The following ACADL variants were observed in gnomAD, a reference collection of about 807,000 sequenced individuals.
ACADL encodes the protein long-chain specific acyl-CoA dehydrogenase, mitochondrial.
ACADL carries 60 observed loss-of-function variants against 56.9 expected under a neutral mutation model. That is an observed-to-expected ratio of 1.05 (90% CI 0.86 to 1.31). The LOEUF (loss-of-function observed/expected upper bound fraction) is 1.31. ACADL is among the 50% of genes most tolerant of loss of function. The pLI is 0.00. For synonymous variants in ACADL, 158 were observed against 179.7 expected, an observed-to-expected ratio of 0.88 and a Z score of 0.97; for missense variants, 484 against 525.5, an observed-to-expected ratio of 0.92 and a Z score of 0.77.
At chr2:210,215,073 A>AT (rs1689063160) in intron 4 of ACADL, among the ~76,000 whole-genome samples, 1 of 152,160 alleles carries the variant, frequency 6.6e-6, no homozygotes. Context: ...CAATTCCTGG[A>AT]TTTTCACTTA....
chr2:210,216,580 T>G, intron 3 of ACADL, 69 bp from the exon 4 acceptor site: 2 of 1,402,730 alleles, frequency 1.4e-6, no homozygotes, highest in Non-Finnish European at 2.0e-6. Context: ...ATAACAACAA[T>G]GTATTAAGGT....
chr2:210,200,689 A>G (rs1688778122), intron 8 of ACADL, among the ~76,000 whole-genome samples: 1 of 152,168 alleles, frequency 6.6e-6, no homozygotes, highest in Non-Finnish European at 1.5e-5. Context: ...CAATAAGAAA[A>G]GTTAGGATGT....
At position 210,188,210 on chromosome 2, in the gene ACADL, G is replaced by GA. The variant is rs1688577001; in HGVS notation, c.*750dup. The GA allele has an allele frequency of 1.3e-5, 2 of 152,134 alleles. No individual in the cohort carries two copies. The highest frequency in any genetic ancestry group is 1.3e-4 in the Admixed American group (2 of 15,278). 9.4% of individuals were successfully genotyped at this position (152,134 alleles called of 1,614,324 possible). ...AATAAATACATTAACTGTTGCAAAA[G>GA]AAAAGCCATTGCTTTGATACCTATA... On this transcript the variant is annotated 3_prime_UTR_variant, in exon 11 of 11. Coordinates refer to ENST00000233710, the MANE Select transcript of ACADL (RefSeq NM_001608.4).
chr2:210,221,876 C>T (rs1689181406), intron 1 of ACADL, among the ~76,000 whole-genome samples: 1 of 152,000 alleles, frequency 6.6e-6, no homozygotes, highest in Non-Finnish European at 1.5e-5. Context: ...TTGCAGGCGC[C>T]TGCCACACAT....
chr2:210,210,031 C>G (rs886901763), intron 5 of ACADL, 165 bp downstream of exon 5: 2 of 613,510 alleles, frequency 3.3e-6, no homozygotes, highest in East Asian at 2.8e-5. Context: ...TACCACAGAT[C>G]TTAAGTAATA....
chr2:210,217,916 G>C, intron 3 of ACADL, 49 bp downstream of exon 3: 1 of 1,601,886 alleles, frequency 6.2e-7, no homozygotes, highest in Non-Finnish European at 8.6e-7. Flanking sequence ...AGAAAGGTGA[G>C]TGGTGTGTTT....
At chr2:210,214,978 A>G (rs1689061208) in intron 4 of ACADL, among the ~76,000 whole-genome samples, 1 of 152,232 alleles carries the variant, frequency 6.6e-6, no homozygotes, top group Non-Finnish European at 1.5e-5. Context: ...GTCATGCTAT[A>G]GAATATTAAG....
chr2:210,198,779 A>G (rs1372565491), intron 8 of ACADL, among the ~76,000 whole-genome samples: 2 of 152,170 alleles, frequency 1.3e-5, no homozygotes, highest in African/African-American at 4.8e-5. Flanking sequence ...CCATTCACTT[A>G]GCAGTGTCTG....
chr2:210,200,749 A>G (rs1244306895), intron 8 of ACADL, among the ~76,000 whole-genome samples: 6 of 152,180 alleles, frequency 3.9e-5, no homozygotes, highest in Non-Finnish European at 8.8e-5. Flanking sequence ...CAATACCGGT[A>G]GCAAACAGTT....
chr2:210,201,278 C>T (rs1376463142), intron 8 of ACADL, among the ~76,000 whole-genome samples: 1 of 152,132 alleles, frequency 6.6e-6, no homozygotes, highest in East Asian at 1.9e-4. Context: ...CCCTGCCCTA[C>T]TCAATCTACA....
At position 210,225,414 on chromosome 2, in the gene ACADL, C is replaced by G; in HGVS notation, c.-151G>C. ...CGCTCGCGCGCGCCCTTCCGGAGCCCCAACCACGCCACAGGCTGGTCGCGA... is the reference window on the plus strand; with the variant it reads ...CGCTCGCGCGCGCCCTTCCGGAGCCGCAACCACGCCACAGGCTGGTCGCGA... On this transcript the variant is annotated 5_prime_UTR_variant, in exon 1 of 11. Coordinates refer to ENST00000233710, the MANE Select transcript of ACADL (RefSeq NM_001608.4). The G allele has an allele frequency of 1.3e-6, 1 of 782,298 alleles. No homozygotes were observed. The highest frequency in any genetic ancestry group is 1.8e-5 in the South Asian group (1 of 54,138). 48.5% of individuals were successfully genotyped at this position (782,298 alleles called of 1,614,324 possible). A position where few individuals can be genotyped will look rare whatever the true frequency, so the allele number is the denominator to read the frequency against.
At position 210,213,689 on chromosome 2, in the gene ACADL, C is replaced by G. The variant is rs117485571; in HGVS notation, c.536+2658G>C. 2.4e-3 allele frequency among the ~76,000 whole-genome samples: 370 copies of G among 152,248 alleles called. 4 individuals are homozygous for G. The East Asian group carries it at 0.034, about 14-fold the overall frequency. On this transcript the variant is annotated intron_variant, in intron 4 of 10. Transcript: ENST00000233710. ...TTCTTCAGTATCATTTTCTCAATTT[C>G]ATTGATAAGAGACATTGAAGCTCAG...
At position 210,192,027 on chromosome 2, in the gene ACADL, TG is replaced by T. The variant is rs1457447522; in HGVS notation, c.1199+776del. ...TTCATATATGATAAAAAGATATATT[TG>T]ATTTCTTTCAATTTGAAGGAAATAA... On this transcript the variant is annotated intron_variant, in intron 10 of 10. Transcript: ENST00000233710. Among the ~76,000 whole-genome samples, 16 of 152,166 alleles carry T rather than the reference TG, an allele frequency of 1.1e-4. 2 individuals carry two copies. Among genetic ancestry groups the T allele is most frequent in the Admixed American group, 1.0e-3 (16 of 15,286 alleles).
intron 1 of ACADL, 67 bp downstream of exon 1, chr2:210,225,120 G>T: frequency 6.5e-7 from 1 of 1,526,810 alleles, no homozygotes; most frequent in South Asian, 1.2e-5. Flanking sequence ...CCAGCGACAG[G>T]AGTGACTCGC....
intron 2 of ACADL, 120 bp from the exon 3 acceptor site, chr2:210,218,222 C>A: frequency 7.0e-5 from 61 of 876,584 alleles, no homozygotes; most frequent in East Asian, 2.6e-4. Flanking sequence ...TAGTTATTTA[C>A]ATTAGCCATA....
In ACADL at chr2:210,220,709, A is replaced by T. The variant is rs1281895777; in HGVS notation, c.171T>A (p.His57Gln). Residue 57 changes from histidine to glutamine, a missense_variant, in exon 2 of 11, where the codon CAT becomes CAA. By Grantham distance (24) the His-to-Gln change is conservative. Coordinates refer to ENST00000233710, the MANE Select transcript of ACADL (RefSeq NM_001608.4). ...TCCTTACACTTTTCCGGAAAATGTC[A>T]TGCTCTGGAGAAAAGATTCTTCGAA... is the stretch of plus-strand genomic sequence containing the variant. ...IGIRRIFSPE[H>Q]DIFRKSVRKF... The T allele has an allele frequency of 1.2e-6, 2 of 1,613,584 alleles. No individual in the cohort carries two copies. The highest frequency in any genetic ancestry group is 3.3e-5 in the Admixed American group (2 of 60,026).
intron 5 of ACADL, among the ~76,000 whole-genome samples, chr2:210,208,275 T>C (rs185329659): frequency 2.9e-4 from 44 of 152,352 alleles, no homozygotes; most frequent in African/African-American, 1.0e-3. Flanking sequence ...CATTTTAATA[T>C]GCTGAGCTCA....
At chr2:210,202,981 C>A (rs1158955602) in intron 8 of ACADL, among the ~76,000 whole-genome samples, 1 of 152,202 alleles carries the variant, frequency 6.6e-6, no homozygotes, top group African/African-American at 2.4e-5. Context: ...ATTGATCCCA[C>A]TCCCTACTCC....
At chr2:210,199,394 T>A (rs992231500) in intron 8 of ACADL, among the ~76,000 whole-genome samples, 4 of 152,176 alleles carry the variant, frequency 2.6e-5, no homozygotes, top group Admixed American at 6.5e-5. Context: ...GGGAACTAAC[T>A]TTGAAAGAAG....
Sources: gnomAD v4.1 joint callset for allele counts (sites outside exome capture counted in the v4.1 genomes callset) on GRCh38, gnomAD v4.1.1 for gene constraint, MANE v1.5 for transcripts, NCBI Gene and HGNC (gene_info 2026-07-23, HGNC 2026-07-21) for gene names.